TBXAS1: variants seen among roughly 807,000 people sequenced by gnomAD.
TBXAS1 encodes the protein thromboxane-A synthase.
In TBXAS1, 48 loss-of-function variants were observed where a neutral mutation model predicts 60.7. The observed-to-expected ratio is 0.79, with a 90% CI of 0.63 to 1.01. TBXAS1 has a LOEUF of 1.01. Ranked by LOEUF, TBXAS1 falls within the 50% of genes least tolerant of loss-of-function variation. The pLI is 0.00. For missense variants in TBXAS1, 685 were observed against 686.3 expected (o/e 1.00, Z 0.02); for synonymous variants, 287 against 269.7 (o/e 1.06, Z -0.63).
intron 1 of TBXAS1, among the ~76,000 whole-genome samples, chr7:139,864,121 G>C (rs2116739982): frequency 6.6e-6 from 1 of 152,042 alleles, no homozygotes; most frequent in East Asian, 1.9e-4. Flanking sequence ...TAAAAAGAAA[G>C]AGAATGGACT....
At chr7:139,967,942 C>T (rs896133687) in intron 9 of TBXAS1, among the ~76,000 whole-genome samples, 7 of 152,236 alleles carry the variant, frequency 4.6e-5, no homozygotes, top group Admixed American at 1.3e-4. Context: ...CCTGGAACAG[C>T]CTGCTCTTGC....
Position 139,931,685 on chromosome 7 carries a change from C to T in TBXAS1, c.334-4506C>T, listed in dbSNP as rs150376844. ...TACCACGAGAACAACATAGGAAAGACGTGACCCCACGATTCAATTTCCTCC... is the reference window on the plus strand; with the variant it reads ...TACCACGAGAACAACATAGGAAAGATGTGACCCCACGATTCAATTTCCTCC... On this transcript the variant is annotated intron_variant, in intron 4 of 12. Coordinates refer to ENST00000448866, the MANE Select transcript of TBXAS1 (RefSeq NM_001061.7). Among the ~76,000 whole-genome samples the T allele has an allele frequency of 8.1e-3, 1,237 of 152,190 alleles. 8 individuals are homozygous for T. Among genetic ancestry groups the T allele is most frequent in the Middle Eastern group, 0.014 (4 of 294 alleles).
intron 1 of TBXAS1, among the ~76,000 whole-genome samples, chr7:139,779,722 A>C (rs1796919027): frequency 1.3e-5 from 2 of 152,184 alleles, no homozygotes; most frequent in African/African-American, 4.8e-5. Context: ...CTCCTGGCTA[A>C]CATCCTCTAA....
At chr7:139,848,625 G>A (rs1031355277) in intron 1 of TBXAS1, among the ~76,000 whole-genome samples, 1 of 152,190 alleles carries the variant, frequency 6.6e-6, no homozygotes, top group Non-Finnish European at 1.5e-5. Context: ...GAATATTAGG[G>A]AAGTGCTGCT....
intron 1 of TBXAS1, among the ~76,000 whole-genome samples, chr7:139,780,397 G>T (rs141755390): frequency 6.6e-6 from 1 of 152,226 alleles, no homozygotes; most frequent in African/African-American, 2.4e-5. Context: ...TGGACAAGGT[G>T]TCTCTAGACT....
chr7:139,948,781 G>T (rs1233806308), intron 5 of TBXAS1, among the ~76,000 whole-genome samples: 3 of 152,122 alleles, frequency 2.0e-5, no homozygotes, highest in Non-Finnish European at 4.4e-5. Context: ...TTTGTGGATT[G>T]TATAAAGATT....
chr7:139,881,458 C>G (rs905315574), intron 3 of TBXAS1, among the ~76,000 whole-genome samples: 1 of 150,658 alleles, frequency 6.6e-6, no homozygotes, highest in Non-Finnish European at 1.5e-5. Context: ...CCCTTTTTCC[C>G]CCCCTCCAGG....
chr7:140,006,681 T>C (rs1814102496), intron 9 of TBXAS1, among the ~76,000 whole-genome samples: 1 of 152,214 alleles, frequency 6.6e-6, no homozygotes, highest in African/African-American at 2.4e-5. Flanking sequence ...TGACTACCCA[T>C]GTGACAGGCT....
At chr7:139,914,867 C>G (rs1805846167) in intron 4 of TBXAS1, among the ~76,000 whole-genome samples, 2 of 151,974 alleles carry the variant, frequency 1.3e-5, no homozygotes, top group South Asian at 4.1e-4. Flanking sequence ...TTTTTTAAAC[C>G]CCATGACATA....
chr7:139,798,091 AACAG>A (rs562260103), intron 4 of TBXAS1, among the ~76,000 whole-genome samples: 18 of 152,162 alleles, frequency 1.2e-4, no homozygotes, highest in African/African-American at 3.6e-4. Flanking sequence ...TATTTTTTTT[AACAG>A]ACAGAAGTCA....
chr7:139,862,412 T>C (rs764417151), intron 1 of TBXAS1, among the ~76,000 whole-genome samples: 3 of 151,958 alleles, frequency 2.0e-5, no homozygotes, highest in Non-Finnish European at 4.4e-5. Flanking sequence ...AATAATGGGA[T>C]TGATAAGATC....
intron 9 of TBXAS1, among the ~76,000 whole-genome samples, chr7:139,993,030 AAAC>A (rs1212306201): frequency 2.6e-5 from 4 of 152,118 alleles, no homozygotes; most frequent in Admixed American, 1.3e-4. Flanking sequence ...AATTAAAAAC[AAAC>A]AACAACAAAA....
At chr7:139,946,049 C>T (rs1409157192) in intron 5 of TBXAS1, among the ~76,000 whole-genome samples, 10 of 152,146 alleles carry the variant, frequency 6.6e-5, no homozygotes. Flanking sequence ...TTTGGAAGAT[C>T]TGGCCAGGCA....
At chr7:139,831,869 C>T (rs953499267) in intron 1 of TBXAS1, among the ~76,000 whole-genome samples, 22 of 152,132 alleles carry the variant, frequency 1.4e-4, no homozygotes, top group African/African-American at 4.6e-4. Context: ...GAGGCACAGG[C>T]TGCAGTGATC....
At chr7:139,812,408 T>A (rs144831882) in intron 4 of TBXAS1, among the ~76,000 whole-genome samples, 182 of 152,300 alleles carry the variant, frequency 1.2e-3, no homozygotes, top group African/African-American at 4.2e-3. Flanking sequence ...TTCCAGAAAT[T>A]TTTTTCTCTG....
At chr7:140,010,480 G>A (rs565954622) in intron 10 of TBXAS1, among the ~76,000 whole-genome samples, 2 of 152,278 alleles carry the variant, frequency 1.3e-5, no homozygotes, top group African/African-American at 4.8e-5. Context: ...TTCAGTTTAC[G>A]GGGAAGGGAA....
chr7:139,887,750 C>T (rs1803228602), intron 3 of TBXAS1, among the ~76,000 whole-genome samples: 1 of 152,206 alleles, frequency 6.6e-6, no homozygotes, highest in South Asian at 2.1e-4. Flanking sequence ...GGAAATACCT[C>T]TTTGAGACCC....
At chr7:139,869,480 C>G (rs1331758565) in intron 1 of TBXAS1, among the ~76,000 whole-genome samples, 1 of 152,102 alleles carries the variant, frequency 6.6e-6, no homozygotes, top group Non-Finnish European at 1.5e-5. Flanking sequence ...CTCCTCCTCC[C>G]AGGTTCAAGA....
intron 1 of TBXAS1, among the ~76,000 whole-genome samples, chr7:139,780,482 A>T (rs150165764): frequency 2.0e-5 from 3 of 152,344 alleles, no homozygotes; most frequent in Non-Finnish European, 2.9e-5. Flanking sequence ...TGCCTAACGC[A>T]TGGTGAGTAC....
Sources: gnomAD v4.1 joint callset for allele counts (sites outside exome capture counted in the v4.1 genomes callset) on GRCh38, gnomAD v4.1.1 for gene constraint, MANE v1.5 for transcripts, NCBI Gene and HGNC (gene_info 2026-07-23, HGNC 2026-07-21) for gene names.